Variants in SEC14L1 observed in about 807,000 individuals in gnomAD.
SEC14L1 encodes the protein SEC14-like protein 1.
SEC14L1 carries 48 observed loss-of-function variants against 85.3 expected under a neutral mutation model. That is an observed-to-expected ratio of 0.56 (90% CI 0.45 to 0.72). SEC14L1 has a LOEUF of 0.72. Ranked by LOEUF, SEC14L1 falls within the 30% of genes least tolerant of loss-of-function variation. The pLI is 0.00. For missense variants in SEC14L1, 682 were observed against 921.4 expected, an observed-to-expected ratio of 0.74 and a Z score of 3.36; for synonymous variants, 391 against 355.5, an observed-to-expected ratio of 1.10 and a Z score of -1.12.
At chr17:77,192,655 C>A (rs1226757720) in intron 5 of SEC14L1, among the ~76,000 whole-genome samples, 1 of 151,490 alleles carries the variant, frequency 6.6e-6, no homozygotes, top group Non-Finnish European at 1.5e-5. Flanking sequence ...GACTCCCCAA[C>A]CCCCAGGCTT....
Position 77,213,581 on chromosome 17 carries a change from A to T in SEC14L1, c.2042+89A>T. 2 of 1,499,092 alleles carry T rather than the reference A, an allele frequency of 1.3e-6. No individual in the cohort carries two copies. The highest frequency in any genetic ancestry group is 1.8e-6 in the Non-Finnish European group (2 of 1,096,948). 92.9% of individuals were successfully genotyped at this position (1,499,092 alleles called of 1,614,324 possible). ...GTCCCACGCCGTGTGCAGGATCAGC[A>T]GTGGCGGCGGGTGTCAGGAATGCTT... On this transcript the variant is annotated intron_variant, in intron 16 of 16. Coordinates refer to ENST00000436233, the MANE Select transcript of SEC14L1 (RefSeq NM_001143998.2). This position sits in a 1 kb window ranked among gnomAD's most constrained non-coding sequence, Gnocchi z 7.1.
rs117727819 is a variant in SEC14L1, at chr17:77,179,481, C to T, written c.64-11322C>T. Among the ~76,000 whole-genome samples the T allele has an allele frequency of 4.6e-5, 7 of 152,206 alleles. No homozygotes were observed. The East Asian group carries it at 7.7e-4, about 17-fold the overall frequency. ...CCCAACCTTTTTTGTTGGGTTACTT[C>T]GCATCTATCATGATACTTTTTCCTT... On this transcript the variant is annotated intron_variant, in intron 3 of 16. Transcript: ENST00000436233.
chr17:77,197,435 CT>C (rs1484807945), intron 8 of SEC14L1, among the ~76,000 whole-genome samples: 1 of 152,108 alleles, frequency 6.6e-6, no homozygotes, highest in Admixed American at 6.5e-5. Flanking sequence ...ACCCAACATG[CT>C]TTTTTTGTAT....
At chr17:77,107,379 G>GT (rs1244154282) in intron 3 of SEC14L1, among the ~76,000 whole-genome samples, 1 of 152,150 alleles carries the variant, frequency 6.6e-6, no homozygotes, top group Non-Finnish European at 1.5e-5. Flanking sequence ...GCTATTGAGC[G>GT]CTGGGTAGGA....
chr17:77,138,030 C>G (rs975255344), upstream of SEC14L1, among the ~76,000 whole-genome samples: 1 of 152,014 alleles, frequency 6.6e-6, no homozygotes, highest in African/African-American at 2.4e-5. Flanking sequence ...CGGGGGAGGC[C>G]AGTGAGCCAG....
intron 3 of SEC14L1, among the ~76,000 whole-genome samples, chr17:77,111,705 G>T (rs1381410709): frequency 6.6e-6 from 1 of 152,206 alleles, no homozygotes; most frequent in Non-Finnish European, 1.5e-5. Flanking sequence ...TTTCTTCCGT[G>T]TAGAGTGGGT....
rs140394376 is a variant in SEC14L1, at chr17:77,174,291, CCTT to C, written c.64-16509_64-16507del. Reference sequence around the variant, plus strand: ...TTGCATTCTTTTGCTTCTGCTTAATCCTTCTCTGGCTGCTTCCTTTGTGGGAAT... The same window carrying C: ...TTGCATTCTTTTGCTTCTGCTTAATCCTCTGGCTGCTTCCTTTGTGGGAAT... On this transcript the variant is annotated intron_variant, in intron 3 of 16. Coordinates refer to ENST00000436233, the MANE Select transcript of SEC14L1 (RefSeq NM_001143998.2). 8.0e-3 allele frequency among the ~76,000 whole-genome samples: 1,222 copies of C among 152,260 alleles called. 21 individuals carry two copies. The highest frequency in any genetic ancestry group is 0.027 in the African/African-American group (1,136 of 41,550).
At chr17:77,162,199 A>C (rs1974096269) in intron 3 of SEC14L1, among the ~76,000 whole-genome samples, 1 of 151,752 alleles carries the variant, frequency 6.6e-6, no homozygotes, top group Non-Finnish European at 1.5e-5. Flanking sequence ...ATTGGAGGCC[A>C]ACCGAGGCCC....
In SEC14L1 at chr17:77,214,544, C is replaced by T; in HGVS notation, c.*521C>T. Reference sequence around the variant, plus strand: ...TGGACTTAGGGCCAGCCCTTGAGGTCCTTATCCTCTGAGGATTCAGAGGTT... The same window carrying T: ...TGGACTTAGGGCCAGCCCTTGAGGTTCTTATCCTCTGAGGATTCAGAGGTT... On this transcript the variant is annotated 3_prime_UTR_variant, in exon 17 of 17. Coordinates refer to ENST00000436233, the MANE Select transcript of SEC14L1 (RefSeq NM_001143998.2). 1.0e-6 allele frequency: 1 copy of T among 992,370 alleles called. No homozygotes were observed. The highest frequency in any genetic ancestry group is 1.2e-6 in the Non-Finnish European group (1 of 833,866). 61.5% of individuals were successfully genotyped at this position (992,370 alleles called of 1,614,324 possible). A position where few individuals can be genotyped will look rare whatever the true frequency, so the allele number is the denominator to read the frequency against.
Position 77,206,658 on chromosome 17 carries a change from C to G in SEC14L1, c.1342-70C>G. 1 of 1,530,740 alleles carries G rather than the reference C, an allele frequency of 6.5e-7. No homozygotes were observed. Among genetic ancestry groups the G allele is most frequent in the East Asian group, 2.3e-5 (1 of 44,148 alleles). The allele number at this position is 1,530,740 out of a possible 1,614,324, so 94.8% of individuals were successfully genotyped here. A position where few individuals can be genotyped will look rare whatever the true frequency, so the allele number is the denominator to read the frequency against. On this transcript the variant is annotated intron_variant, in intron 12 of 16. Coordinates refer to ENST00000436233, the MANE Select transcript of SEC14L1 (RefSeq NM_001143998.2). The surrounding 1 kb of genome is among the most constrained non-coding windows in gnomAD (Gnocchi z 4.3). ...CCCCACCCTCCCACTCAGAATACCA[C>G]ATTGTCATTTTAATCTTGGACACTC... is the stretch of plus-strand genomic sequence containing the variant.
chr17:77,150,196 A>G (rs1567895302), intron 3 of SEC14L1, among the ~76,000 whole-genome samples: 2 of 152,278 alleles, frequency 1.3e-5, no homozygotes, highest in Middle Eastern at 3.4e-3. Flanking sequence ...TCTTCCCATT[A>G]AGACCGGAGG....
intron 3 of SEC14L1, among the ~76,000 whole-genome samples, chr17:77,108,492 C>G (rs1971970372): frequency 1.3e-5 from 2 of 152,136 alleles, no homozygotes; most frequent in Non-Finnish European, 2.9e-5. Context: ...AATCCCAGCA[C>G]TTTGGGAGCA....
At chr17:77,097,421 G>A (rs1215511466) in intron 3 of SEC14L1, among the ~76,000 whole-genome samples, 8 of 152,132 alleles carry the variant, frequency 5.3e-5, no homozygotes, top group Non-Finnish European at 8.8e-5. Flanking sequence ...AAAATTAGCC[G>A]GGCGTAGTGG....
chr17:77,106,388 T>C (rs553673875), intron 3 of SEC14L1, among the ~76,000 whole-genome samples: 1 of 152,114 alleles, frequency 6.6e-6, no homozygotes, highest in South Asian at 2.1e-4. Flanking sequence ...AAAAATTAGC[T>C]GGACGTGGTG....
At position 77,194,862 on chromosome 17, in the gene SEC14L1, T is replaced by A; in HGVS notation, c.660T>A (p.Asp220Glu). ...CCCTCAAGGAGGGGCTGAGTGGTGA[T>A]GCCCTCAGCAGCCCCAGCGCACCTG... Reference protein sequence around the residue: ...EAALKEGLSGDALSSPSAPEP... With the variant: ...EAALKEGLSGEALSSPSAPEP... Residue 220 changes from aspartate (D) to glutamate (E), a missense_variant, in exon 7 of 17, where the codon GAT (aspartate) becomes GAA (glutamate). Physicochemically the swap from Asp to Glu is conservative, Grantham distance 45 (BLOSUM62 2). This residue lies in a region of SEC14L1 where 123 missense variants were observed against 100.6 expected (regional missense o/e 1.22). Coordinates refer to ENST00000436233, the MANE Select transcript of SEC14L1 (RefSeq NM_001143998.2). 1 of 1,614,232 alleles carries A rather than the reference T, an allele frequency of 6.2e-7. No homozygotes were observed. The highest frequency in any genetic ancestry group is 8.5e-7 in the Non-Finnish European group (1 of 1,180,028).
intron 3 of SEC14L1, among the ~76,000 whole-genome samples, chr17:77,135,514 C>G (rs552074837): frequency 3.0e-4 from 46 of 151,566 alleles, no homozygotes; most frequent in Non-Finnish European, 6.3e-4. Flanking sequence ...TTCTTTCTCT[C>G]TTTCTTTGTC....
rs71160208 is a variant in SEC14L1 at position 77,169,007 on chromosome 17, C to CTTTTTT, written c.64-21771_64-21766dup. Among the ~76,000 whole-genome samples the CTTTTTT allele has an allele frequency of 3.6e-4, 28 of 77,846 alleles. 1 individual carries two copies. The highest frequency in any genetic ancestry group is 1.3e-3 in the Admixed American group (8 of 6,202). 51.1% of individuals were successfully genotyped at this position (77,846 alleles called of 152,430 possible). On this transcript the variant is annotated intron_variant, in intron 3 of 16. Coordinates refer to ENST00000436233, the MANE Select transcript of SEC14L1 (RefSeq NM_001143998.2). ...GGGTCAAAAGACCCGTGAGGAGCATCTTTTTTTTTTTTTTTTTTTTTTTTT... is the reference window on the plus strand; with the variant it reads ...GGGTCAAAAGACCCGTGAGGAGCATCTTTTTTTTTTTTTTTTTTTTTTTTTTTTTTT...
In SEC14L1 at chr17:77,195,126, CA is replaced by C; in HGVS notation, c.709+217del. On this transcript the variant is annotated intron_variant, in intron 7 of 16. Transcript: ENST00000436233. ...TTTTTGTTAATAGGAAGGATTATAT[CA>C]AGTTATTTTTATTCTTTTATGGATA... The C allele has an allele frequency of 1.1e-5, 6 of 565,754 alleles. No homozygotes were observed. The South Asian group carries it at 1.4e-4, about 13-fold the overall frequency. The allele number at this position is 565,754 out of a possible 1,614,324, so 35.0% of individuals were successfully genotyped here. A position where few individuals can be genotyped will look rare whatever the true frequency, so the allele number is the denominator to read the frequency against.
At chr17:77,182,636 G>T (rs930680400) in intron 3 of SEC14L1, among the ~76,000 whole-genome samples, 2 of 152,146 alleles carry the variant, frequency 1.3e-5, no homozygotes, top group African/African-American at 2.4e-5. Context: ...ATTTCGTCCA[G>T]CCTTTCTTGA....
Sources: allele counts gnomAD v4.1 joint callset (sites outside exome capture counted in the v4.1 genomes callset), GRCh38; gene constraint gnomAD v4.1.1; regional missense constraint gnomAD v4.1.1; non-coding constraint Gnocchi (gnomAD v3.1); transcripts MANE v1.5; gene names NCBI Gene and HGNC (gene_info 2026-07-23, HGNC 2026-07-21).